The following INVS variants were observed in gnomAD, a reference collection of about 807,000 sequenced individuals.
INVS encodes the protein inversin.
Under a neutral mutation model 108.8 loss-of-function variants are expected in INVS, and 86 were observed. The ratio of observed to expected loss-of-function variants is 0.79; its 90% CI spans 0.66 to 0.95. The LOEUF (loss-of-function observed/expected upper bound fraction) is 0.95, where lower values mean the gene tolerates loss of function less well. INVS is among the 40% of genes least tolerant of loss of function. The pLI is 0.00. For missense variants in INVS, 1,169 were observed against 1,297.4 expected (o/e 0.90, Z 1.52); for synonymous variants, 455 against 473.5 (o/e 0.96, Z 0.51).
At chr9:100,140,624 A>G (rs1041030438) in intron 3 of INVS, among the ~76,000 whole-genome samples, 1 of 152,140 alleles carries the variant, frequency 6.6e-6, no homozygotes, top group Non-Finnish European at 1.5e-5. Context: ...GAAAAATAAA[A>G]CAAAATAGTG....
intron 3 of INVS, chr9:100,131,920 A>G (rs1163863522): frequency 1.0e-6 from 1 of 982,964 alleles, no homozygotes; most frequent in Non-Finnish European, 1.2e-6. Context: ...AGGAGAAAGA[A>G]TACCTCTGAA....
Position 100,273,074 on chromosome 9 carries a change from C to T in INVS, c.1782C>T (p.Ala594=). Reference sequence around the variant, plus strand: ...AACAGTTGAGAAAAGATGCTGCTGCCAAGTAAGTATGAGCTACGCAGATTG... The same window carrying T: ...AACAGTTGAGAAAAGATGCTGCTGCTAAGTAAGTATGAGCTACGCAGATTG... ...KHEQLRKDAA[A]KKREEENKRK... The change falls in exon 12 of 17, where the codon GCC becomes GCT. Residue 594 remains alanine (A), a splice_region_variant and synonymous_variant. Transcript: ENST00000262457. 2 of 1,612,904 alleles carry T rather than the reference C, an allele frequency of 1.2e-6. No homozygotes were observed. The highest frequency in any genetic ancestry group is 1.7e-6 in the Non-Finnish European group (2 of 1,179,170).
chr9:100,297,830 C>T (rs765523141), intron 15 of INVS, 106 bp from the exon 16 acceptor site: 27 of 1,129,700 alleles, frequency 2.4e-5, no homozygotes, highest in Non-Finnish European at 3.1e-5. Flanking sequence ...CTTATCTTGA[C>T]ACACACCTGC....
chr9:100,296,642 T>C (rs1177059710), intron 14 of INVS, among the ~76,000 whole-genome samples: 2 of 152,214 alleles, frequency 1.3e-5, no homozygotes, highest in African/African-American at 4.8e-5. Flanking sequence ...AGTACTCTCA[T>C]GCCACACGTA....
In INVS at chr9:100,249,741, A is replaced by G. The variant is rs1032715759; in HGVS notation, c.1079-2542A>G. Among the ~76,000 whole-genome samples the G allele has an allele frequency of 7.8e-4, 112 of 142,740 alleles. 1 individual carries two copies. Among genetic ancestry groups the G allele is most frequent in the Admixed American group, 1.9e-3 (26 of 13,360 alleles). 93.6% of individuals were successfully genotyped at this position (142,740 alleles called of 152,430 possible). A position where few individuals can be genotyped will look rare whatever the true frequency, so the allele number is the denominator to read the frequency against. ...ACATCTGACCTCAAATGATCCACCCACCTCGGCCTCCCAAAGTGCTGGGAT... is the reference window on the plus strand; with the variant it reads ...ACATCTGACCTCAAATGATCCACCCGCCTCGGCCTCCCAAAGTGCTGGGAT... On this transcript the variant is annotated intron_variant, in intron 8 of 16. Transcript: ENST00000262457.
At chr9:100,284,961 A>G (rs974323984) in intron 13 of INVS, among the ~76,000 whole-genome samples, 2 of 152,156 alleles carry the variant, frequency 1.3e-5, no homozygotes, top group Non-Finnish European at 2.9e-5. Flanking sequence ...ATGAAATACA[A>G]TTTATAAAAC....
intron 3 of INVS, among the ~76,000 whole-genome samples, chr9:100,182,847 C>G (rs1299755553): frequency 6.6e-6 from 1 of 152,142 alleles, no homozygotes; most frequent in Non-Finnish European, 1.5e-5. Context: ...TATTGCAGCA[C>G]TATTCACAAT....
chr9:100,267,249 C>T (rs1240333006), intron 11 of INVS, among the ~76,000 whole-genome samples: 5 of 152,118 alleles, frequency 3.3e-5, no homozygotes, highest in Admixed American at 3.3e-4. Flanking sequence ...CCGGAATAAA[C>T]ATATGTTAAT....
At chr9:100,151,278 C>T (rs538551533) in intron 3 of INVS, among the ~76,000 whole-genome samples, 3 of 152,202 alleles carry the variant, frequency 2.0e-5, no homozygotes, top group Admixed American at 6.5e-5. Flanking sequence ...GAGTTTGAGA[C>T]CAGCCTGGTC....
chr9:100,252,494 A>T, intron 9 of INVS, 56 bp downstream of exon 9: 1 of 1,495,436 alleles, frequency 6.7e-7, no homozygotes, highest in Admixed American at 1.7e-5. Context: ...GAATTCTTGC[A>T]TACTCTGTTT....
chr9:100,123,703 A>G (rs1213669401), intron 2 of INVS, among the ~76,000 whole-genome samples: 2 of 152,234 alleles, frequency 1.3e-5, no homozygotes, highest in Non-Finnish European at 2.9e-5. Context: ...AAGTGACTCT[A>G]CCATTTTAGA....
At chr9:100,247,626 A>T (rs913942371) in intron 8 of INVS, among the ~76,000 whole-genome samples, 1 of 151,992 alleles carries the variant, frequency 6.6e-6, no homozygotes, top group Non-Finnish European at 1.5e-5. Context: ...CACCAAAACT[A>T]CTGATGCAAC....
intron 7 of INVS, among the ~76,000 whole-genome samples, chr9:100,245,528 C>T (rs1035830415): frequency 1.3e-5 from 2 of 152,140 alleles, no homozygotes; most frequent in South Asian, 2.1e-4. Context: ...GATCCACCCA[C>T]CTCAGCCTCC....
intron 4 of INVS, among the ~76,000 whole-genome samples, chr9:100,226,502 C>A (rs940124385): frequency 3.3e-5 from 5 of 152,020 alleles, no homozygotes; most frequent in African/African-American, 1.2e-4. Context: ...ATGCAAGTGG[C>A]AGAACTAGAA....
intron 3 of INVS, among the ~76,000 whole-genome samples, chr9:100,158,711 G>A (rs2119003902): frequency 6.6e-6 from 1 of 152,278 alleles, no homozygotes; most frequent in Non-Finnish European, 1.5e-5. Flanking sequence ...GAGTAGATGA[G>A]CTGTATTTAT....
intron 3 of INVS, among the ~76,000 whole-genome samples, chr9:100,155,240 T>C (rs544536425): frequency 2.6e-4 from 40 of 152,124 alleles, no homozygotes; most frequent in African/African-American, 9.6e-4. Context: ...TGAGCAGTCC[T>C]TAAAGATTGA....
At position 100,300,833 on chromosome 9, in the gene INVS, G is replaced by A. The variant is rs1383450855; in HGVS notation, c.*159G>A. On this transcript the variant is annotated 3_prime_UTR_variant, in exon 17 of 17. Transcript: ENST00000262457. ...GTTAACTGAAAGAAAATGTCAGAAT[G>A]TTTCCTTTCTGCTCTTACACAGCAT... is the stretch of plus-strand genomic sequence containing the variant. The A allele has an allele frequency of 6.0e-6, 4 of 666,408 alleles. No homozygotes were observed. The African/African-American group carries it at 7.2e-5, about 12-fold the overall frequency. The allele number at this position is 666,408 out of a possible 1,614,324, so 41.3% of individuals were successfully genotyped here.
At chr9:100,136,717 A>G (rs556351293) in intron 3 of INVS, among the ~76,000 whole-genome samples, 1 of 152,272 alleles carries the variant, frequency 6.6e-6, no homozygotes, top group East Asian at 1.9e-4. Flanking sequence ...TTATTGATGG[A>G]TCAAAGTCGC....
In INVS at chr9:100,229,531, T is replaced by C; in HGVS notation, c.448-129T>C. The C allele has an allele frequency of 3.0e-5, 23 of 771,862 alleles. No homozygotes were observed. The South Asian group carries it at 3.3e-4, about 11-fold the overall frequency. The allele number at this position is 771,862 out of a possible 1,614,324, so 47.8% of individuals were successfully genotyped here. ...GGTTGAACACAGAGACCTGAAATCA[T>C]GAAAAGTGAAAACAAAGATACAGGG... is the stretch of plus-strand genomic sequence containing the variant. On this transcript the variant is annotated intron_variant, in intron 4 of 16. Coordinates refer to ENST00000262457, the MANE Select transcript of INVS (RefSeq NM_014425.5).
Sources: gnomAD v4.1 joint callset for allele counts (sites outside exome capture counted in the v4.1 genomes callset) on GRCh38, gnomAD v4.1.1 for gene constraint, MANE v1.5 for transcripts, NCBI Gene and HGNC (gene_info 2026-07-23, HGNC 2026-07-21) for gene names.